Variants in USH2A observed in about 807,000 individuals in gnomAD.
The protein encoded by USH2A is usherin.
USH2A carries 443 observed loss-of-function variants against 538.9 expected under a neutral mutation model. The observed-to-expected ratio is 0.82, with a 90% CI of 0.76 to 0.89. The LOEUF (loss-of-function observed/expected upper bound fraction) is 0.89. Among genes scored for constraint, USH2A ranks in the 40% least tolerant of loss-of-function variants. The pLI is 0.00. For synonymous variants in USH2A, 2,413 were observed against 2,273.5 expected, an observed-to-expected ratio of 1.06 and a Z score of -1.75; for missense variants, 6,633 against 6,324.8, an observed-to-expected ratio of 1.05 and a Z score of -1.65.
At chr1:216,329,674 A>G (rs1034473830) in intron 4 of USH2A, among the ~76,000 whole-genome samples, 1 of 152,008 alleles carries the variant, frequency 6.6e-6, no homozygotes, top group Non-Finnish European at 1.5e-5. Context: ...TCTCAGCCCT[A>G]AGGTTCCCAT....
chr1:215,896,829 G>A (rs549691765), intron 40 of USH2A, among the ~76,000 whole-genome samples: 4 of 152,132 alleles, frequency 2.6e-5, no homozygotes, highest in Admixed American at 2.6e-4. Flanking sequence ...TGCTTGGACT[G>A]CCAGCAGCAC....
At chr1:216,242,311 G>A (rs1390538385) in intron 13 of USH2A, among the ~76,000 whole-genome samples, 1 of 150,508 alleles carries the variant, frequency 6.6e-6, no homozygotes. Flanking sequence ...CTGCGCCACT[G>A]AACTCTAGCC....
At chr1:216,421,710 G>C in intron 2 of USH2A, 142 bp downstream of exon 2, 1 of 1,328,772 alleles carries the variant, frequency 7.5e-7, no homozygotes, top group Non-Finnish European at 1.0e-6. Flanking sequence ...AATTTTAATT[G>C]GGGAAACAAC....
At chr1:216,100,354 T>A (rs1571960692) in intron 21 of USH2A, among the ~76,000 whole-genome samples, 1 of 152,230 alleles carries the variant, frequency 6.6e-6, no homozygotes, top group East Asian at 1.9e-4. Context: ...AAAGGAAGCA[T>A]CTACCAGCAG....
At chr1:215,638,446 C>T (rs1472872836) in intron 69 of USH2A, among the ~76,000 whole-genome samples, 3 of 151,548 alleles carry the variant, frequency 2.0e-5, no homozygotes, top group Non-Finnish European at 4.4e-5. Context: ...AAAGTGAAAC[C>T]CCATCTCTAC....
intron 4 of USH2A, among the ~76,000 whole-genome samples, chr1:216,355,993 G>C (rs946183116): frequency 6.6e-6 from 1 of 152,070 alleles, no homozygotes; most frequent in Non-Finnish European, 1.5e-5. Flanking sequence ...ACCCTGAAAA[G>C]TATGTGTATA....
chr1:216,175,368 C>CT lies in USH2A; in HGVS notation c.4510dup (p.Arg1504LysfsTer26), dbSNP rs727503731. 3.1e-5 allele frequency: 50 copies of CT among 1,613,668 alleles called. No individual in the cohort carries two copies. The highest frequency in any genetic ancestry group is 3.9e-5 in the Non-Finnish European group (46 of 1,179,860). Reference sequence around the variant, plus strand: ...CAGAGCTGGTAGAGATGACTCTCTCCTTTCCAGCTGATATATAGGAGAGGG... The same window carrying CT: ...CAGAGCTGGTAGAGATGACTCTCTCCTTTTCCAGCTGATATATAGGAGAGGG... On this transcript the variant is annotated frameshift_variant, in exon 21 of 72. Coordinates refer to ENST00000307340, the MANE Select transcript of USH2A (RefSeq NM_206933.4). LOFTEE classifies it high-confidence loss of function.
At chr1:216,373,918 C>A (rs1010169419) in intron 3 of USH2A, among the ~76,000 whole-genome samples, 1 of 151,990 alleles carries the variant, frequency 6.6e-6, no homozygotes, top group African/African-American at 2.4e-5. Context: ...GAATACTATG[C>A]AGCCATAAAA....
intron 16 of USH2A, among the ~76,000 whole-genome samples, chr1:216,200,764 G>A (rs1324809886): frequency 1.3e-5 from 2 of 152,108 alleles, no homozygotes; most frequent in Non-Finnish European, 2.9e-5. Flanking sequence ...AGGTGATTAG[G>A]CACATGGCTG....
intron 16 of USH2A, among the ~76,000 whole-genome samples, chr1:216,202,764 C>T (rs557653030): frequency 9.2e-5 from 14 of 152,246 alleles, no homozygotes; most frequent in South Asian, 6.2e-4. Context: ...ATGACCATCA[C>T]GCTTCCTCAA....
At chr1:216,048,383 C>T in intron 31 of USH2A, 151 bp downstream of exon 31, 1 of 776,420 alleles carries the variant, frequency 1.3e-6, no homozygotes, top group South Asian at 1.5e-5. Context: ...CGCACCCCCC[C>T]AAAAAATGGA....
chr1:215,792,842 T>C lies in USH2A; in HGVS notation c.9959-2560A>G, dbSNP rs377698215. 7.2e-5 allele frequency among the ~76,000 whole-genome samples: 11 copies of C among 152,250 alleles called. No homozygotes were observed. The South Asian group carries it at 2.3e-3, about 32-fold the overall frequency. ...TAAATATGCCCAAAGAAAAACAAAA[T>C]AGGTCATGCATTATTGATGGATTGG... On this transcript the variant is annotated intron_variant, in intron 50 of 71. Coordinates refer to ENST00000307340, the MANE Select transcript of USH2A (RefSeq NM_206933.4).
At chr1:215,745,821 AG>A (rs1660454978) in intron 58 of USH2A, among the ~76,000 whole-genome samples, 1 of 152,182 alleles carries the variant, frequency 6.6e-6, no homozygotes, top group South Asian at 2.1e-4. Flanking sequence ...ATGACAAGAT[AG>A]GTTTGAGAAA....
rs74141410 is a variant in USH2A, at chr1:215,776,429, T to C, written c.10939+3414A>G. Reference sequence around the variant, plus strand: ...TAAGCAATTTATGGATTTCACATGATGAGTGCATTCGCCACTATTCCCACA... The same window carrying C: ...TAAGCAATTTATGGATTTCACATGACGAGTGCATTCGCCACTATTCCCACA... On this transcript the variant is annotated intron_variant, in intron 55 of 71. Coordinates refer to ENST00000307340, the MANE Select transcript of USH2A (RefSeq NM_206933.4). Among the ~76,000 whole-genome samples, 1,049 of 152,292 alleles carry C rather than the reference T, an allele frequency of 6.9e-3. 12 individuals are homozygous for C. The highest frequency in any genetic ancestry group is 0.024 in the African/African-American group (994 of 41,542).
chr1:215,703,335 A>G (rs1219314226), intron 61 of USH2A, among the ~76,000 whole-genome samples: 8 of 152,182 alleles, frequency 5.3e-5, no homozygotes, highest in African/African-American at 1.9e-4. Flanking sequence ...GCGGAGCTCA[A>G]GTGCTGTGCT....
At chr1:216,224,566 C>A (rs979192982) in intron 14 of USH2A, among the ~76,000 whole-genome samples, 1 of 152,152 alleles carries the variant, frequency 6.6e-6, no homozygotes, top group Non-Finnish European at 1.5e-5. Flanking sequence ...TAGATGGAAA[C>A]AGGCAAATGA....
At chr1:215,764,102 A>G (rs1006221870) in intron 56 of USH2A, among the ~76,000 whole-genome samples, 1 of 152,130 alleles carries the variant, frequency 6.6e-6, no homozygotes, top group Non-Finnish European at 1.5e-5. Context: ...TAGACCAGTA[A>G]ATACATAGGA....
intron 3 of USH2A, among the ~76,000 whole-genome samples, chr1:216,383,632 T>G (rs1466098754): frequency 6.6e-6 from 1 of 152,186 alleles, no homozygotes; most frequent in African/African-American, 2.4e-5. Flanking sequence ...TAGGATTGTA[T>G]GTCTGAAATT....
In USH2A at chr1:216,289,365, C is replaced by A. The variant is rs754159296; in HGVS notation, c.1886G>T (p.Gly629Val). ...LCKDYFFRQV[G>V]ADPSAIDVCK... Reference sequence around the variant, plus strand: ...AACATCTATGGCCGAAGGATCTGCACCAACTTGTCGGAAAAAGTAATCCTT... The same window carrying A: ...AACATCTATGGCCGAAGGATCTGCAACAACTTGTCGGAAAAAGTAATCCTT... The change falls in exon 11 of 72, where the codon GGT becomes GTT. Residue 629 changes from glycine (G) to valine (V), a missense_variant. Physicochemically the swap from Gly to Val is moderately radical, Grantham distance 109. Coordinates refer to ENST00000307340, the MANE Select transcript of USH2A (RefSeq NM_206933.4). 4 of 1,613,860 alleles carry A rather than the reference C, an allele frequency of 2.5e-6. No individual in the cohort carries two copies. The highest frequency in any genetic ancestry group is 2.2e-5 in the East Asian group (1 of 44,870).
Sources: gnomAD v4.1 joint callset for allele counts (sites outside exome capture counted in the v4.1 genomes callset) on GRCh38, gnomAD v4.1.1 for gene constraint, MANE v1.5 for transcripts, NCBI Gene and HGNC (gene_info 2026-07-23, HGNC 2026-07-21) for gene names.